The following CLCN7 variants were observed in gnomAD, a reference collection of about 807,000 sequenced individuals.
The protein encoded by CLCN7 is H(+)/Cl(-) exchange transporter 7.
CLCN7 carries 60 observed loss-of-function variants against 102.1 expected under a neutral mutation model. That is an observed-to-expected ratio of 0.59 (90% confidence interval 0.48 to 0.73). The LOEUF (loss-of-function observed/expected upper bound fraction) is 0.73. CLCN7 is among the 30% of genes least tolerant of loss of function. CLCN7 has a pLI of 0.00. For synonymous variants in CLCN7, 560 were observed against 490.5 expected (o/e 1.14, Z -1.87); for missense variants, 962 against 1,125.7 (o/e 0.85, Z 2.08).
chr16:1,455,052 C>G (rs1398020253), intron 12 of CLCN7, 82 bp downstream of exon 12: 2 of 876,520 alleles, frequency 2.3e-6, no homozygotes, highest in Non-Finnish European at 3.9e-6. Context: ...TCTAAAGGAC[C>G]AAATTCTCAA....
At position 1,452,886 on chromosome 16, in the gene CLCN7, G is replaced by A. The variant is rs1018561800; in HGVS notation, c.1222C>T (p.His408Tyr). The A allele has an allele frequency of 6.4e-7, 1 of 1,566,734 alleles. No homozygotes were observed. The highest frequency in any genetic ancestry group is 8.6e-7 in the Non-Finnish European group (1 of 1,156,120). The change falls in exon 15 of 25, where the codon CAC becomes TAC. Residue 408 changes from histidine (H) to tyrosine (Y), a missense_variant. Around this residue, in one of 2 missense-constraint regions of CLCN7, gnomAD observed 799 missense variants for 988.0 expected, o/e 0.81. Coordinates refer to ENST00000382745, the MANE Select transcript of CLCN7 (RefSeq NM_001287.6). ...TCAATCACCTGCAGGCAGGGCCGGT[G>A]GATGTACCTGGAACCAAGAATCAGG... The part of the protein sequence containing the change: ...WLTMFRIRYI[H>Y]RPCLQVIEAV...
intron 18 of CLCN7, 61 bp downstream of exon 18, chr16:1,449,215 G>C (rs1463935609): frequency 6.4e-7 from 1 of 1,568,970 alleles, no homozygotes; most frequent in Non-Finnish European, 8.6e-7. Flanking sequence ...CGCAAGGACA[G>C]CCATGGCCCC....
rs6600147 is a variant in CLCN7, at chr16:1,457,987, C to T, written c.676-231G>A. On this transcript the variant is annotated intron_variant, in intron 7 of 24. Coordinates refer to ENST00000382745, the MANE Select transcript of CLCN7 (RefSeq NM_001287.6). This position sits in a 1 kb window ranked among gnomAD's most constrained non-coding sequence, Gnocchi z 5.4. The stretch of plus-strand genomic sequence containing the variant: ...GGACCTGCCCTCTGTGGCCTCAGCA[C>T]TGAGCAGGCAAGGGGTTCTTTCGTT... Among the ~76,000 whole-genome samples, 87,952 of 152,060 alleles carry T rather than the reference C, an allele frequency of 0.58. 26,008 individuals carry two copies. Among genetic ancestry groups the T allele is most frequent in the East Asian group, 0.85 (4,377 of 5,158 alleles).
chr16:1,455,861 C>T (rs1462044117), intron 10 of CLCN7, 66 bp from the exon 11 acceptor site: 14 of 1,547,884 alleles, frequency 9.0e-6, no homozygotes, highest in Middle Eastern at 1.7e-4. Flanking sequence ...CACCAACTCC[C>T]TCCCCCAGGC....
chr16:1,448,628 A>G (rs2038692506), intron 20 of CLCN7, 53 bp downstream of exon 20: 1 of 1,608,098 alleles, frequency 6.2e-7, no homozygotes, highest in Non-Finnish European at 8.5e-7. Context: ...GCCCCTGTGC[A>G]ACAAGAGGCC....
chr16:1,474,477 C>G (rs577075434), intron 1 of CLCN7: 26 of 343,044 alleles, frequency 7.6e-5, no homozygotes, highest in African/African-American at 5.5e-4. Context: ...GTCACCTGAA[C>G]AGAAAGCCAC....
intron 7 of CLCN7, among the ~76,000 whole-genome samples, chr16:1,458,126 T>A (rs972255594): frequency 4.6e-5 from 7 of 152,180 alleles, no homozygotes; most frequent in Non-Finnish European, 8.8e-5. Context: ...CTAGCAAGGC[T>A]CCTCATACAC....
At chr16:1,473,738 T>C (rs973732982) in intron 1 of CLCN7, among the ~76,000 whole-genome samples, 8 of 152,044 alleles carry the variant, frequency 5.3e-5, no homozygotes, top group Admixed American at 5.2e-4. Flanking sequence ...ATGTAAAGAA[T>C]AACTGCAAAG....
chr16:1,454,425 G>C lies in CLCN7; in HGVS notation c.1139C>G (p.Ala380Gly), dbSNP rs887864779. 1.2e-6 allele frequency: 2 copies of C among 1,613,694 alleles called. No homozygotes were observed. The highest frequency in any genetic ancestry group is 1.7e-6 in the Non-Finnish European group (2 of 1,180,008). ...GAAGCCCTTACCCACCACGCCCATG[G>C]CGATGAAGACCGGGATCTCGTGGAT... ...YTIHEIPVFI[A>G]MGVVGGVLGA... The change falls in exon 13 of 25, where the codon GCC becomes GGC. Residue 380 changes from alanine to glycine, a missense_variant. By Grantham distance (60) the Ala-to-Gly change is moderately conservative (BLOSUM62 0). Around this residue, in one of 2 missense-constraint regions of CLCN7, gnomAD observed 799 missense variants for 988.0 expected, o/e 0.81. Coordinates refer to ENST00000382745, the MANE Select transcript of CLCN7 (RefSeq NM_001287.6).
chr16:1,450,994 G>T (rs891382667), intron 16 of CLCN7, among the ~76,000 whole-genome samples: 1 of 152,240 alleles, frequency 6.6e-6, no homozygotes. Context: ...GGTGCAGCTC[G>T]CAGCCTGGCT....
At position 1,457,446 on chromosome 16, in the gene CLCN7, C is replaced by G. The variant is rs1596220352; in HGVS notation, c.739-109G>C. ...GCGTGACGCGGCCCTTCCTGGAGAC[C>G]AGAAGGACCGATGCTCAGAGACACG... On this transcript the variant is annotated intron_variant, in intron 8 of 24. Transcript: ENST00000382745. This position sits in a 1 kb window ranked among gnomAD's most constrained non-coding sequence, Gnocchi z 5.4. 3.1e-6 allele frequency: 2 copies of G among 641,366 alleles called. No homozygotes were observed. Among genetic ancestry groups the G allele is most frequent in the East Asian group, 5.4e-5 (2 of 36,790 alleles). The allele number at this position is 641,366 out of a possible 1,614,324, so 39.7% of individuals were successfully genotyped here.
At chr16:1,460,699 G>T in intron 5 of CLCN7, 117 bp downstream of exon 5, 1 of 1,501,006 alleles carries the variant, frequency 6.7e-7, no homozygotes, top group Non-Finnish European at 9.2e-7. Flanking sequence ...GACACAGCCA[G>T]CCTGGCCGGG....
rs542139113 is a variant in CLCN7 at position 1,461,326 on chromosome 16, C to T, written c.351+79G>A. ...AGGGAGGAGGTGCGTCACCTCACCCCGGCAGAAGAGCAGCCCCAGGCCCGG... is the reference window on the plus strand; with the variant it reads ...AGGGAGGAGGTGCGTCACCTCACCCTGGCAGAAGAGCAGCCCCAGGCCCGG... On this transcript the variant is annotated intron_variant, in intron 4 of 24. Coordinates refer to ENST00000382745, the MANE Select transcript of CLCN7 (RefSeq NM_001287.6). 887 of 1,282,884 alleles carry T rather than the reference C, an allele frequency of 6.9e-4. 4 individuals carry two copies. Among genetic ancestry groups the T allele is most frequent in the Middle Eastern group, 3.7e-3 (14 of 3,830 alleles). The allele number at this position is 1,282,884 out of a possible 1,614,324, so 79.5% of individuals were successfully genotyped here. A position where few individuals can be genotyped will look rare whatever the true frequency, so the allele number is the denominator to read the frequency against.
chr16:1,455,412 C>T, intron 11 of CLCN7, 162 bp from the exon 12 acceptor site: 1 of 710,150 alleles, frequency 1.4e-6, no homozygotes, highest in Non-Finnish European at 2.5e-6. Flanking sequence ...GGTGGGCGCA[C>T]TGTGCGGGCA....
chr16:1,462,683 A>AAAAAAAAAAAAAAAAAAAC (rs1471363912), intron 2 of CLCN7, among the ~76,000 whole-genome samples: 1 of 150,960 alleles, frequency 6.6e-6, no homozygotes, highest in African/African-American at 2.5e-5. Context: ...AAAAAAAAAA[A>AAAAAAAAAAAAAAAAAAAC]AAAACCAGGC....
In CLCN7 at chr16:1,446,609, C is replaced by T; in HGVS notation, c.*22G>A. 3 of 1,547,528 alleles carry T rather than the reference C, an allele frequency of 1.9e-6. No homozygotes were observed. The highest frequency in any genetic ancestry group is 1.8e-6 in the Non-Finnish European group (2 of 1,142,546). Reference sequence around the variant, plus strand: ...AGGGCCGGGGTGCCAGCGCCAGTGCCCATTATGGGCAGGGCTGGGCCTCAC... The same window carrying T: ...AGGGCCGGGGTGCCAGCGCCAGTGCTCATTATGGGCAGGGCTGGGCCTCAC... On this transcript the variant is annotated 3_prime_UTR_variant, in exon 25 of 25. Coordinates refer to ENST00000382745, the MANE Select transcript of CLCN7 (RefSeq NM_001287.6).
chr16:1,455,198 T>C lies in CLCN7; in HGVS notation c.1034A>G (p.Tyr345Cys). Residue 345 changes from tyrosine to cysteine, a missense_variant, in exon 12 of 25, where the codon TAC (tyrosine) becomes TGC (cysteine). Transcript: ENST00000382745. The part of the protein sequence containing the change: ...TFTLNFVLSI[Y>C]HGNMWDLSSP... ...GGACAGGTCCCACATGTTCCCGTGG[T>C]AAATGCTCAGAACAAAATTCAGGGT... 1 of 1,613,896 alleles carries C rather than the reference T, an allele frequency of 6.2e-7. No individual in the cohort carries two copies. Among genetic ancestry groups the C allele is most frequent in the Non-Finnish European group, 8.5e-7 (1 of 1,179,910 alleles).
rs1268246721 is a variant in CLCN7 at position 1,455,222 on chromosome 16, G to T, written c.1010C>A (p.Thr337Asn). Residue 337 changes from threonine (T) to asparagine (N), a missense_variant, in exon 12 of 25, where the codon ACC becomes AAC. Physicochemically the swap from Thr to Asn is moderately conservative, Grantham distance 65. Coordinates refer to ENST00000382745, the MANE Select transcript of CLCN7 (RefSeq NM_001287.6). The stretch of plus-strand genomic sequence containing the variant: ...GTAAATGCTCAGAACAAAATTCAGG[G>T]TGAACGTGGAGATCATGGAAGCAAA... ...IFFASMISTF[T>N]LNFVLSIYHG... 6.2e-7 allele frequency: 1 copy of T among 1,613,378 alleles called. No homozygotes were observed. Among genetic ancestry groups the T allele is most frequent in the Non-Finnish European group, 8.5e-7 (1 of 1,179,478 alleles).
Position 1,457,452 on chromosome 16 carries a change from G to C in CLCN7, c.739-115C>G. 1 of 634,670 alleles carries C rather than the reference G, an allele frequency of 1.6e-6. No individual in the cohort carries two copies. Among genetic ancestry groups the C allele is most frequent in the Non-Finnish European group, 2.9e-6 (1 of 349,074 alleles). 39.3% of individuals were successfully genotyped at this position (634,670 alleles called of 1,614,324 possible). A position where few individuals can be genotyped will look rare whatever the true frequency, so the allele number is the denominator to read the frequency against. On this transcript the variant is annotated intron_variant, in intron 8 of 24. Coordinates refer to ENST00000382745, the MANE Select transcript of CLCN7 (RefSeq NM_001287.6). The surrounding 1 kb of genome is among the most constrained non-coding windows in gnomAD (Gnocchi z 5.4). ...CGCGGCCCTTCCTGGAGACCAGAAGGACCGATGCTCAGAGACACGCGTGAC... is the reference window on the plus strand; with the variant it reads ...CGCGGCCCTTCCTGGAGACCAGAAGCACCGATGCTCAGAGACACGCGTGAC...
Sources: gnomAD v4.1 joint callset for allele counts (sites outside exome capture counted in the v4.1 genomes callset) on GRCh38, gnomAD v4.1.1 for gene constraint, gnomAD v4.1.1 regional missense constraint, Gnocchi (gnomAD v3.1) non-coding constraint, MANE v1.5 for transcripts, NCBI Gene and HGNC (gene_info 2026-07-23, HGNC 2026-07-21) for gene names.